PALS1: variants seen among roughly 807,000 people sequenced by gnomAD.
The protein encoded by PALS1 is protein PALS1.
A neutral mutation model predicts 78.9 loss-of-function variants in PALS1; 31 were observed. The observed-to-expected ratio is 0.39, with a 90% CI of 0.30 to 0.53. The LOEUF (loss-of-function observed/expected upper bound fraction) is 0.53. Among genes scored for constraint, PALS1 ranks in the 20% least tolerant of loss-of-function variants. PALS1 has a pLI of 0.67. For synonymous variants in PALS1, 276 were observed against 270.9 expected (o/e 1.02, Z -0.18); for missense variants, 704 against 826.5 (o/e 0.85, Z 1.82).
chr14:67,311,253 G>A (rs536819725), intron 8 of PALS1, among the ~76,000 whole-genome samples: 9 of 148,450 alleles, frequency 6.1e-5, no homozygotes, highest in Non-Finnish European at 1.0e-4. Flanking sequence ...GGAGTTTGCA[G>A]TGAGCCAAGA....
chr14:67,283,528 A>G (rs1188801953), intron 3 of PALS1, among the ~76,000 whole-genome samples: 5 of 152,198 alleles, frequency 3.3e-5, no homozygotes, highest in African/African-American at 7.2e-5. Flanking sequence ...GATTATTTTT[A>G]CTATCAAATT....
chr14:67,243,391 T>A lies in PALS1; in HGVS notation c.-237+1858T>A, dbSNP rs569637432. 3.3e-5 allele frequency among the ~76,000 whole-genome samples: 5 copies of A among 152,046 alleles called. No homozygotes were observed. In the South Asian group the frequency reaches 1.0e-3, roughly 32 times the overall value. On this transcript the variant is annotated intron_variant, in intron 1 of 14. Coordinates refer to ENST00000261681, the MANE Select transcript of PALS1 (RefSeq NM_022474.4). ...TTAGTAGAGACGGGGTTTCACCATG[T>A]TGGCCAGGCTGGCCTCGAACTCCTG...
At chr14:67,260,155 C>T (rs2084213194) in intron 1 of PALS1, among the ~76,000 whole-genome samples, 1 of 152,152 alleles carries the variant, frequency 6.6e-6, no homozygotes, top group Non-Finnish European at 1.5e-5. Context: ...TAGGTTTAAG[C>T]GCCAGCTCTC....
intron 1 of PALS1, among the ~76,000 whole-genome samples, chr14:67,256,351 G>A (rs1004883551): frequency 2.6e-5 from 4 of 152,028 alleles, no homozygotes; most frequent in African/African-American, 9.7e-5. Flanking sequence ...AGAGCTTCAT[G>A]CTCTAGTAGT....
chr14:67,273,809 C>T (rs2084454794), intron 2 of PALS1, among the ~76,000 whole-genome samples: 1 of 152,178 alleles, frequency 6.6e-6, no homozygotes, highest in Non-Finnish European at 1.5e-5. Flanking sequence ...TTAATGATCG[C>T]CATTCTAACT....
chr14:67,323,641 T>A, intron 13 of PALS1, 61 bp from the exon 14 acceptor site: 1 of 525,024 alleles, frequency 1.9e-6, no homozygotes. Flanking sequence ...TATATATCAG[T>A]ATTATTAGGA....
chr14:67,282,310 A>G (rs1265028701), intron 3 of PALS1, among the ~76,000 whole-genome samples: 1 of 152,124 alleles, frequency 6.6e-6, no homozygotes, highest in African/African-American at 2.4e-5. Flanking sequence ...ATATGACAGG[A>G]GACAACTTCT....
Position 67,309,670 on chromosome 14 carries a change from T to C in PALS1, c.1042-2857T>C, listed in dbSNP as rs113996836. On this transcript the variant is annotated intron_variant, in intron 8 of 14. Coordinates refer to ENST00000261681, the MANE Select transcript of PALS1 (RefSeq NM_022474.4). ...AATGGTCATAAATGTAGATATTCCC[T>C]CCTCACGGGTCTTAATTTCTCTCAG... is the stretch of plus-strand genomic sequence containing the variant. Among the ~76,000 whole-genome samples, 828 of 152,264 alleles carry C rather than the reference T, an allele frequency of 5.4e-3. 7 individuals carry two copies. The highest frequency in any genetic ancestry group is 0.019 in the African/African-American group (791 of 41,542).
intron 1 of PALS1, among the ~76,000 whole-genome samples, chr14:67,243,313 G>T (rs189780082): frequency 6.7e-6 from 1 of 150,110 alleles, no homozygotes; most frequent in East Asian, 2.0e-4. Context: ...TCAGCCTCCC[G>T]ACTAGCTGGG....
At chr14:67,315,434 G>A (rs946743747) in intron 9 of PALS1, among the ~76,000 whole-genome samples, 3 of 151,616 alleles carry the variant, frequency 2.0e-5, no homozygotes, top group South Asian at 2.1e-4. Flanking sequence ...CCACCACCAC[G>A]CCCAGCTGAT....
intron 14 of PALS1, among the ~76,000 whole-genome samples, chr14:67,325,978 TC>T (rs1411872169): frequency 4.1e-4 from 52 of 125,882 alleles, no homozygotes; most frequent in African/African-American, 1.4e-3. Context: ...CCGGCTCTTT[TC>T]TTTTTTTTTT....
chr14:67,326,218 C>T (rs1271054456), intron 14 of PALS1, among the ~76,000 whole-genome samples: 44 of 36,810 alleles, frequency 1.2e-3, no homozygotes, highest in Admixed American at 2.1e-3. Context: ...CAATTTAGGT[C>T]TGATTTTTTT....
chr14:67,242,128 A>G (rs2083915555), intron 1 of PALS1: 1 of 152,230 alleles, frequency 6.6e-6, no homozygotes, highest in African/African-American at 2.4e-5. Flanking sequence ...AAATTGTTAT[A>G]ACCTACGTTT....
At chr14:67,328,944 T>C (rs2085400718) in intron 14 of PALS1, among the ~76,000 whole-genome samples, 1 of 152,132 alleles carries the variant, frequency 6.6e-6, no homozygotes, top group Non-Finnish European at 1.5e-5. Flanking sequence ...TGGCTTAGGG[T>C]TGTCTTGGCA....
At chr14:67,318,306 T>G (rs1188751692) in intron 11 of PALS1, among the ~76,000 whole-genome samples, 2 of 151,102 alleles carry the variant, frequency 1.3e-5, no homozygotes, top group African/African-American at 4.9e-5. Flanking sequence ...AAATGAGGTT[T>G]GATCAACTTT....
chr14:67,308,546 CTTT>C (rs375911648), intron 8 of PALS1, among the ~76,000 whole-genome samples: 5 of 131,826 alleles, frequency 3.8e-5, no homozygotes, highest in Non-Finnish European at 3.2e-5. Context: ...TTTTCTTTTT[CTTT>C]TTTTTTTTTT....
intron 1 of PALS1, among the ~76,000 whole-genome samples, chr14:67,246,788 A>T (rs957124291): frequency 6.7e-6 from 1 of 150,122 alleles, no homozygotes; most frequent in Non-Finnish European, 1.5e-5. Flanking sequence ...AGTAGCTGGG[A>T]TTATAAGCGC....
chr14:67,254,031 C>CCT (rs1555516867), intron 1 of PALS1, among the ~76,000 whole-genome samples: 11 of 141,610 alleles, frequency 7.8e-5, no homozygotes, highest in Non-Finnish European at 1.4e-4. Context: ...TTCATCCCCC[C>CCT]CCCCTTACAA....
chr14:67,246,650 T>TG (rs2083992089), intron 1 of PALS1, among the ~76,000 whole-genome samples: 1 of 19,576 alleles, frequency 5.1e-5, no homozygotes, highest in Non-Finnish European at 1.4e-4. Context: ...CTACTATAGG[T>TG]TTTTTTTTTT....
Sources: allele counts gnomAD v4.1 joint callset (sites outside exome capture counted in the v4.1 genomes callset), GRCh38; gene constraint gnomAD v4.1.1; transcripts MANE v1.5; gene names NCBI Gene and HGNC (gene_info 2026-07-23, HGNC 2026-07-21).